RBFOX1: variants seen among roughly 807,000 people sequenced by gnomAD.
RBFOX1 encodes the protein RNA binding fox-1 homolog 1, also known as RNA binding protein fox-1 homolog 1.
A neutral mutation model predicts 57.7 loss-of-function variants in RBFOX1; 8 were observed. The observed-to-expected ratio is 0.14, with a 90% CI of 0.08 to 0.25. The LOEUF (loss-of-function observed/expected upper bound fraction) is 0.25, where lower values mean the gene tolerates loss of function less well. Ranked by LOEUF, RBFOX1 falls within the 10% of genes least tolerant of loss-of-function variation. The pLI is 1.00. For synonymous variants in RBFOX1, 326 were observed against 222.4 expected (o/e 1.47, Z -4.15); for missense variants, 611 against 548.5 (o/e 1.11, Z -1.14).
intron 2 of RBFOX1, among the ~76,000 whole-genome samples, chr16:5,555,113 G>A (rs79937533): frequency 0.049 from 7,402 of 152,250 alleles, 196 homozygotes; most frequent in East Asian, 0.1. Flanking sequence ...TCTAAAGCCC[G>A]GGGTACAGGG....
At chr16:6,645,341 C>A (rs917899) in intron 2 of RBFOX1, among the ~76,000 whole-genome samples, 117,470 of 151,956 alleles carry the variant, frequency 0.77, 45,574 homozygotes, top group South Asian at 0.92. Context: ...TGTTGAACCC[C>A]GTGCTGGCTA....
intron 9 of RBFOX1, among the ~76,000 whole-genome samples, chr16:7,606,323 A>G (rs531001153): frequency 6.6e-6 from 1 of 151,062 alleles, no homozygotes; most frequent in Non-Finnish European, 1.5e-5. Flanking sequence ...GGGTTTCACT[A>G]TGTTGGCCAG....
chr16:7,228,791 G>T (rs1325572559), intron 4 of RBFOX1, among the ~76,000 whole-genome samples: 6 of 152,130 alleles, frequency 3.9e-5, no homozygotes, highest in Admixed American at 1.3e-4. Flanking sequence ...AATTTATTTT[G>T]GGGGAAAATG....
At chr16:6,885,717 A>C (rs2063860074) in intron 3 of RBFOX1, among the ~76,000 whole-genome samples, 1 of 151,994 alleles carries the variant, frequency 6.6e-6, no homozygotes, top group Non-Finnish European at 1.5e-5. Flanking sequence ...TCTTTAGTAG[A>C]GACTGGGTTT....
At chr16:7,619,085 G>C (rs2058907559) in intron 10 of RBFOX1, among the ~76,000 whole-genome samples, 1 of 152,288 alleles carries the variant, frequency 6.6e-6, no homozygotes. Context: ...CTGTTATTTT[G>C]TTGAGAGATT....
chr16:7,331,311 G>C (rs188883700), intron 4 of RBFOX1, among the ~76,000 whole-genome samples: 1 of 152,308 alleles, frequency 6.6e-6, no homozygotes, highest in African/African-American at 2.4e-5. Flanking sequence ...GTCCTGTTTA[G>C]AGTGAGCAGT....
At chr16:6,590,625 A>G (rs2097696957) in intron 2 of RBFOX1, among the ~76,000 whole-genome samples, 2 of 152,196 alleles carry the variant, frequency 1.3e-5, no homozygotes. Context: ...AATTGGCTTC[A>G]TGGGGCCTAG....
Position 6,977,393 on chromosome 16 carries a change from C to T in RBFOX1, c.-15-74664C>T, listed in dbSNP as rs552198763. The stretch of plus-strand genomic sequence containing the variant: ...AGATACCGGGATATCTGGACACTCG[C>T]AAGTCTGGTTCTGTTTAGCAAACAT... On this transcript the variant is annotated intron_variant, in intron 3 of 15. Coordinates refer to ENST00000550418, the MANE Select transcript of RBFOX1 (RefSeq NM_018723.4). Among the ~76,000 whole-genome samples the T allele has an allele frequency of 4.6e-5, 7 of 152,118 alleles. No individual in the cohort carries two copies. In the South Asian group the frequency reaches 1.2e-3, roughly 27 times the overall value.
At chr16:6,843,773 C>G (rs372421548) in intron 3 of RBFOX1, among the ~76,000 whole-genome samples, 7 of 152,292 alleles carry the variant, frequency 4.6e-5, no homozygotes, top group African/African-American at 1.7e-4. Flanking sequence ...AGGAACGTAT[C>G]CTTCACTATT....
intron 4 of RBFOX1, among the ~76,000 whole-genome samples, chr16:5,992,627 G>C (rs1172442767): frequency 6.6e-6 from 1 of 152,118 alleles, no homozygotes; most frequent in Non-Finnish European, 1.5e-5. Context: ...AATATTTTCT[G>C]ACAGGAGACA....
intron 10 of RBFOX1, among the ~76,000 whole-genome samples, chr16:7,621,262 G>C (rs2142029207): frequency 6.6e-6 from 1 of 152,044 alleles, no homozygotes; most frequent in Admixed American, 6.6e-5. Flanking sequence ...ATAACTTTTT[G>C]AATTTTTTTT....
At chr16:5,846,282 G>A (rs948345147) in intron 3 of RBFOX1, among the ~76,000 whole-genome samples, 1 of 152,094 alleles carries the variant, frequency 6.6e-6, no homozygotes, top group African/African-American at 2.4e-5. Context: ...GATGAAAGAA[G>A]AGAGTGGAGA....
intron 4 of RBFOX1, among the ~76,000 whole-genome samples, chr16:5,971,013 C>T (rs1340231627): frequency 6.6e-6 from 1 of 152,204 alleles, no homozygotes; most frequent in Non-Finnish European, 1.5e-5. Flanking sequence ...TCCTGTCTTG[C>T]TATGTGTCCA....
chr16:6,445,844 G>A (rs1051431360), intron 2 of RBFOX1, among the ~76,000 whole-genome samples: 4 of 152,162 alleles, frequency 2.6e-5, no homozygotes, highest in Non-Finnish European at 4.4e-5. Flanking sequence ...GCCTCCCAAA[G>A]TGCTGGGATT....
chr16:6,676,762 G>T (rs1378412645), intron 3 of RBFOX1, among the ~76,000 whole-genome samples: 2 of 132,910 alleles, frequency 1.5e-5, no homozygotes, highest in Admixed American at 8.9e-5. Flanking sequence ...TGCAACCTTT[G>T]CCTCCCAGGT....
In RBFOX1 at chr16:6,612,552, G is replaced by A. The variant is rs532055608; in HGVS notation, c.-63-42051G>A. Among the ~76,000 whole-genome samples, 9 of 152,164 alleles carry A rather than the reference G, an allele frequency of 5.9e-5. No individual in the cohort carries two copies. The South Asian group carries it at 1.9e-3, about 32-fold the overall frequency. ...GGCTAGAGCCATTCATTTCCCAGAT[G>A]TTAAAAACATTTGTTTGGCCCGGGT... On this transcript the variant is annotated intron_variant, in intron 2 of 15. Transcript: ENST00000550418.
intron 3 of RBFOX1, among the ~76,000 whole-genome samples, chr16:6,932,788 G>A (rs1038141270): frequency 3.3e-5 from 5 of 152,156 alleles, no homozygotes; most frequent in Non-Finnish European, 7.3e-5. Context: ...TGCACAGTTT[G>A]GAGGCATTAA....
chr16:7,479,655 C>G (rs2063479246), intron 4 of RBFOX1, among the ~76,000 whole-genome samples: 1 of 152,106 alleles, frequency 6.6e-6, no homozygotes, highest in Non-Finnish European at 1.5e-5. Context: ...TGCTTTTGTT[C>G]CACTTCAAGT....
intron 1 of RBFOX1, among the ~76,000 whole-genome samples, chr16:6,033,693 T>C (rs1037690626): frequency 3.9e-5 from 6 of 152,254 alleles, no homozygotes; most frequent in African/African-American, 1.4e-4. Flanking sequence ...ATTGGCCTCC[T>C]TTTGATGGAT....
Sources: gnomAD v4.1 joint callset for allele counts (sites outside exome capture counted in the v4.1 genomes callset) on GRCh38, gnomAD v4.1.1 for gene constraint, MANE v1.5 for transcripts, NCBI Gene and HGNC (gene_info 2026-07-23, HGNC 2026-07-21) for gene names.